The following SENP5 variants were observed in gnomAD, a reference collection of about 807,000 sequenced individuals.
The protein encoded by SENP5 is SUMO specific peptidase 5.
Under a neutral mutation model 74.2 loss-of-function variants are expected in SENP5, and 21 were observed. The observed-to-expected ratio is 0.28, with a 90% confidence interval of 0.20 to 0.41. The LOEUF (loss-of-function observed/expected upper bound fraction) is 0.41, where lower values mean the gene tolerates loss of function less well. SENP5 is among the 10% of genes least tolerant of loss of function. The pLI is 1.00. For synonymous variants in SENP5, 311 were observed against 312.7 expected (o/e 0.99, Z 0.06); for missense variants, 717 against 889.1 (o/e 0.81, Z 2.46).
intron 6 of SENP5, among the ~76,000 whole-genome samples, chr3:196,911,856 T>C (rs941361795): frequency 6.6e-6 from 1 of 151,548 alleles, no homozygotes; most frequent in African/African-American, 2.4e-5. Flanking sequence ...ATTAGAGAAA[T>C]GCAAATCAAA....
rs1716115787 is a variant in SENP5, at chr3:196,933,295, C to CT, written c.*2372_*2373insT. 1 of 151,990 alleles carries CT rather than the reference C, an allele frequency of 6.6e-6. No homozygotes were observed. The highest frequency in any genetic ancestry group is 2.4e-5 in the African/African-American group (1 of 41,376). 9.4% of individuals were successfully genotyped at this position (151,990 alleles called of 1,614,324 possible). On this transcript the variant is annotated 3_prime_UTR_variant, in exon 10 of 10. Transcript: ENST00000323460. ...CCTCCCAAAGTGCTGGGATTACAGGCGGGAGCCACCGTGCCTGGCCAATGT... is the reference window on the plus strand; with the variant it reads ...CCTCCCAAAGTGCTGGGATTACAGGCTGGGAGCCACCGTGCCTGGCCAATGT...
chr3:196,875,385 C>T (rs571006478), intron 1 of SENP5, among the ~76,000 whole-genome samples: 1 of 152,194 alleles, frequency 6.6e-6, no homozygotes, highest in Non-Finnish European at 1.5e-5. Context: ...GTGGCCTTCT[C>T]CTTGCCATTC....
In SENP5 at chr3:196,872,693, A is replaced by G. The variant is rs368434151; in HGVS notation, c.-32+4620A>G. Among the ~76,000 whole-genome samples the G allele has an allele frequency of 2.0e-5, 3 of 152,318 alleles. No homozygotes were observed. The East Asian group carries it at 5.8e-4, about 29-fold the overall frequency. On this transcript the variant is annotated intron_variant, in intron 1 of 9. Transcript: ENST00000323460. Reference sequence around the variant, plus strand: ...AGTGTGGTAGCCACTAGCCACATGTAGCAGCCTAAATCTAAATAATTAAAA... The same window carrying G: ...AGTGTGGTAGCCACTAGCCACATGTGGCAGCCTAAATCTAAATAATTAAAA...
At position 196,886,103 on chromosome 3, in the gene SENP5, C is replaced by G. The variant is rs946813608; in HGVS notation, c.922C>G (p.Pro308Ala). 4.3e-6 allele frequency: 7 copies of G among 1,614,116 alleles called. No homozygotes were observed. In the African/African-American group the frequency reaches 8.0e-5, roughly 18 times the overall value. ...TTCTTGTCGGCATCAGCCGTACTTTCCAGATATGGACAGCAGTGCTGTGGT... is the reference window on the plus strand; with the variant it reads ...TTCTTGTCGGCATCAGCCGTACTTTGCAGATATGGACAGCAGTGCTGTGGT... ...DPSCRHQPYF[P>A]DMDSSAVVKG... Residue 308 changes from proline to alanine, a missense_variant, in exon 2 of 10, where the codon CCA becomes GCA. Transcript: ENST00000323460.
At chr3:196,884,664 G>GTTTT (rs199659730) in intron 1 of SENP5, among the ~76,000 whole-genome samples, 14 of 121,396 alleles carry the variant, frequency 1.2e-4, no homozygotes, top group South Asian at 2.5e-4. Context: ...ACAGAAATCA[G>GTTTT]TTTTTTTTTG....
rs1479411943 is a variant in SENP5 at position 196,933,307 on chromosome 3, T to TG, written c.*2385dup. 2 of 152,124 alleles carry TG rather than the reference T, an allele frequency of 1.3e-5. No individual in the cohort carries two copies. The highest frequency in any genetic ancestry group is 4.8e-5 in the African/African-American group (2 of 41,440). The allele number at this position is 152,124 out of a possible 1,614,324, so 9.4% of individuals were successfully genotyped here. On this transcript the variant is annotated 3_prime_UTR_variant, in exon 10 of 10. Coordinates refer to ENST00000323460, the MANE Select transcript of SENP5 (RefSeq NM_152699.5). ...CTGGGATTACAGGCGGGAGCCACCG[T>TG]GCCTGGCCAATGTTAAGTATTTTAA...
At chr3:196,922,819 C>T (rs997863633) in intron 6 of SENP5, among the ~76,000 whole-genome samples, 5 of 152,082 alleles carry the variant, frequency 3.3e-5, no homozygotes, top group South Asian at 2.1e-4. Flanking sequence ...TACAGTGTTT[C>T]GCCATGTCAC....
In SENP5 at chr3:196,909,055, C is replaced by A. The variant is rs550748075; in HGVS notation, c.1884+5445C>A. 4.6e-4 allele frequency among the ~76,000 whole-genome samples: 70 copies of A among 151,998 alleles called. 1 individual carries two copies. The South Asian group carries it at 0.012, about 25-fold the overall frequency. ...AAAAGAGAGAAGAATCAAATAGACA[C>A]AATAAAAAATGATAAAGGGGATATC... is the stretch of plus-strand genomic sequence containing the variant. On this transcript the variant is annotated intron_variant, in intron 6 of 9. Transcript: ENST00000323460.
chr3:196,910,003 A>G (rs1255300676), intron 6 of SENP5, among the ~76,000 whole-genome samples: 1 of 152,198 alleles, frequency 6.6e-6, no homozygotes, highest in Non-Finnish European at 1.5e-5. Flanking sequence ...AGAAAATGCC[A>G]TCGTCTCAGC....
rs1416955510 is a variant in SENP5, at chr3:196,930,905, G to A, written c.2250G>A (p.Glu750=). ...AGAGGATTTACAAGGAGCTATGTGA[G>A]TGCCGGCTCATGGACTGAAACTCAG... ...VRKRIYKELC[E]CRLMD The change falls in exon 10 of 10, where the codon GAG becomes GAA. Residue 750 remains glutamate, a synonymous_variant. Transcript: ENST00000323460. 1.2e-5 allele frequency: 20 copies of A among 1,612,914 alleles called. No homozygotes were observed. Among genetic ancestry groups the A allele is most frequent in the Non-Finnish European group, 1.4e-5 (17 of 1,178,978 alleles).
intron 6 of SENP5, among the ~76,000 whole-genome samples, chr3:196,915,846 G>C (rs1715346405): frequency 6.6e-6 from 1 of 152,182 alleles, no homozygotes; most frequent in African/African-American, 2.4e-5. Context: ...TACTGGGCTT[G>C]GGGCTCCCTG....
At chr3:196,896,417 CCT>C (rs1307543383) in intron 2 of SENP5, among the ~76,000 whole-genome samples, 3 of 152,074 alleles carry the variant, frequency 2.0e-5, no homozygotes, top group African/African-American at 7.2e-5. Flanking sequence ...GAGGTAACAA[CCT>C]CTCAAAGCTT....
At chr3:196,868,462 T>C (rs755549449) in intron 1 of SENP5, among the ~76,000 whole-genome samples, 5 of 152,238 alleles carry the variant, frequency 3.3e-5, no homozygotes, top group Non-Finnish European at 7.3e-5. Context: ...CCTTCCGGCC[T>C]TCGTTTCTTT....
chr3:196,888,287 A>G (rs1482859347), intron 2 of SENP5, among the ~76,000 whole-genome samples: 1 of 152,222 alleles, frequency 6.6e-6, no homozygotes, highest in Non-Finnish European at 1.5e-5. Flanking sequence ...AGATGTCTAT[A>G]TAAAGTGAAA....
intron 6 of SENP5, among the ~76,000 whole-genome samples, chr3:196,921,865 G>A (rs1425829887): frequency 1.3e-5 from 2 of 152,150 alleles, no homozygotes; most frequent in South Asian, 2.1e-4. Context: ...AGTTTAAAAT[G>A]TTTTAACCCA....
intron 1 of SENP5, among the ~76,000 whole-genome samples, chr3:196,875,815 G>C (rs1029700625): frequency 1.3e-5 from 2 of 151,850 alleles, no homozygotes; most frequent in African/African-American, 4.8e-5. Context: ...GTGAAACTTT[G>C]ACCTCCCATG....
intron 6 of SENP5, among the ~76,000 whole-genome samples, chr3:196,910,486 A>G (rs1182307085): frequency 2.0e-5 from 3 of 151,668 alleles, no homozygotes; most frequent in Non-Finnish European, 4.4e-5. Context: ...AGGTGGGACT[A>G]CAGGCATGCA....
intron 1 of SENP5, among the ~76,000 whole-genome samples, chr3:196,883,457 G>A (rs1177635569): frequency 2.0e-5 from 3 of 152,092 alleles, no homozygotes; most frequent in Non-Finnish European, 4.4e-5. Flanking sequence ...TATCCTCCTG[G>A]TATACCCCTG....
intron 2 of SENP5, among the ~76,000 whole-genome samples, chr3:196,889,848 T>C (rs1714131290): frequency 6.6e-6 from 1 of 152,204 alleles, no homozygotes; most frequent in Admixed American, 6.5e-5. Context: ...AGTGCTCATA[T>C]TTCTGGAGAT....
Sources: gnomAD v4.1 joint callset for allele counts (sites outside exome capture counted in the v4.1 genomes callset) on GRCh38, gnomAD v4.1.1 for gene constraint, MANE v1.5 for transcripts, NCBI Gene and HGNC (gene_info 2026-07-23, HGNC 2026-07-21) for gene names.